INMT: variants seen among roughly 807,000 people sequenced by gnomAD.
The protein encoded by INMT is indolethylamine N-methyltransferase.
Under a neutral mutation model 11.5 loss-of-function variants are expected in INMT, and 11 were observed. That is an observed-to-expected ratio of 0.95 (90% CI 0.60 to 1.58). The LOEUF is 1.58. INMT is among the 40% of genes most tolerant of loss of function. The pLI is 0.00. For synonymous variants in INMT, 155 were observed against 142.9 expected, an observed-to-expected ratio of 1.08 and a Z score of -0.60; for missense variants, 316 against 336.1, an observed-to-expected ratio of 0.94 and a Z score of 0.47.
chr7:30,753,007 G>T (rs919235376), intron 1 of INMT, among the ~76,000 whole-genome samples: 3 of 152,206 alleles, frequency 2.0e-5, no homozygotes, highest in Non-Finnish European at 4.4e-5. Flanking sequence ...GGGTTAAAAG[G>T]CTGCTGAGCC....
intron 1 of INMT, among the ~76,000 whole-genome samples, chr7:30,752,849 C>T (rs1786119709): frequency 6.6e-6 from 1 of 152,196 alleles, no homozygotes; most frequent in Admixed American, 6.5e-5. Context: ...ATGGTGACTT[C>T]TGCCTGTCTC....
chr7:30,756,263 T>C lies in INMT; in HGVS notation c.*412T>C. The C allele has an allele frequency of 1.0e-6, 1 of 974,100 alleles. No individual in the cohort carries two copies. Among genetic ancestry groups the C allele is most frequent in the Non-Finnish European group, 1.2e-6 (1 of 819,080 alleles). The allele number at this position is 974,100 out of a possible 1,614,324, so 60.3% of individuals were successfully genotyped here. ...TTTTTTTTTTTTTTTTGAGACGGAG[T>C]CTGGCTCTGTCACCCAGGCTAGAGT... On this transcript the variant is annotated 3_prime_UTR_variant, in exon 3 of 3. Transcript: ENST00000013222.
At chr7:30,753,964 G>T in intron 2 of INMT, 26 bp downstream of exon 2, 3 of 1,606,178 alleles carry the variant, frequency 1.9e-6, no homozygotes, top group Non-Finnish European at 2.6e-6. Context: ...TTGGGGAGGG[G>T]GTTCCCAGTC....
rs978862438 is a variant in INMT at position 30,755,792 on chromosome 7, A to C, written c.733A>C (p.Thr245Pro). 4 of 1,613,978 alleles carry C rather than the reference A, an allele frequency of 2.5e-6. No individual in the cohort carries two copies. The highest frequency in any genetic ancestry group is 1.3e-5 in the African/African-American group (1 of 74,904). The part of the protein sequence containing the change: ...LLHSPQSYSV[T>P]NAANNGVCFI... ...ACACAGTCCCCAGAGCTACTCTGTC[A>C]CCAATGCTGCCAACAATGGGGTCTG... The change falls in exon 3 of 3, where the codon ACC (threonine) becomes CCC (proline). Residue 245 changes from threonine to proline, a missense_variant. Transcript: ENST00000013222.
At position 30,757,347 on chromosome 7, in the gene INMT, C is replaced by A. The variant is rs778584980; in HGVS notation, c.*1496C>A. ...TGGCTTGACATGGTGGGCACACTGG[C>A]GCCCAGTAAGAGAGAGAGAGAGCCA... On this transcript the variant is annotated 3_prime_UTR_variant, in exon 3 of 3. Coordinates refer to ENST00000013222, the MANE Select transcript of INMT (RefSeq NM_006774.5). The A allele has an allele frequency of 4.4e-6, 1 of 225,300 alleles. No homozygotes were observed. The highest frequency in any genetic ancestry group is 8.7e-6 in the Non-Finnish European group (1 of 114,562). The allele number at this position is 225,300 out of a possible 1,614,324, so 14.0% of individuals were successfully genotyped here.
In INMT at chr7:30,754,470, C is replaced by A. The variant is rs1329160335; in HGVS notation, c.362+532C>A. Among the ~76,000 whole-genome samples the A allele has an allele frequency of 6.6e-6, 1 of 151,736 alleles. No individual in the cohort carries two copies. Among genetic ancestry groups the A allele is most frequent in the East Asian group, 1.9e-4 (1 of 5,164 alleles). On this transcript the variant is annotated intron_variant, in intron 2 of 2. Transcript: ENST00000013222. This position sits in a 1 kb window ranked among gnomAD's most constrained non-coding sequence, Gnocchi z 4.9. ...ATATTCATCCATCCACCCACCCATCCATTCATCCATCCATATCCATCCATC... is the reference window on the plus strand; with the variant it reads ...ATATTCATCCATCCACCCACCCATCAATTCATCCATCCATATCCATCCATC...
chr7:30,752,788 G>A (rs1214465629), intron 1 of INMT, among the ~76,000 whole-genome samples: 1 of 152,186 alleles, frequency 6.6e-6, no homozygotes, highest in Non-Finnish European at 1.5e-5. Context: ...TCTCAACCCT[G>A]AGCAAGGGGC....
rs11766290 is a variant in INMT at position 30,754,483 on chromosome 7, A to G, written c.362+545A>G. Among the ~76,000 whole-genome samples, 146,793 of 151,360 alleles carry G rather than the reference A, an allele frequency of 0.97. 71,260 individuals carry two copies. The highest frequency in any genetic ancestry group is 1 in the East Asian group (5,127 of 5,132). ...CACCCACCCATCCATTCATCCATCCATATCCATCCATCCATCCATCCATCC... is the reference window on the plus strand; with the variant it reads ...CACCCACCCATCCATTCATCCATCCGTATCCATCCATCCATCCATCCATCC... On this transcript the variant is annotated intron_variant, in intron 2 of 2. Coordinates refer to ENST00000013222, the MANE Select transcript of INMT (RefSeq NM_006774.5). This position sits in a 1 kb window ranked among gnomAD's most constrained non-coding sequence, Gnocchi z 4.9.
In INMT at chr7:30,755,667, C is replaced by T. The variant is rs548852397; in HGVS notation, c.608C>T (p.Ser203Phe). ...LVTTVTLRLPSYMVGKREFSC... is the reference protein window; with the variant it reads ...LVTTVTLRLPFYMVGKREFSC... ...ACCACTGTCACGCTTCGGCTCCCGT[C>T]CTACATGGTGGGGAAGCGTGAATTT... The change falls in exon 3 of 3, where the codon TCC (serine) becomes TTC (phenylalanine). Residue 203 changes from serine (S) to phenylalanine (F), a missense_variant. Ser to Phe is a radical substitution (Grantham distance 155). Transcript: ENST00000013222. The T allele has an allele frequency of 2.5e-6, 4 of 1,614,210 alleles. No homozygotes were observed. The South Asian group carries it at 3.3e-5, about 13-fold the overall frequency.
intron 1 of INMT, 83 bp downstream of exon 1, chr7:30,752,387 C>A: frequency 8.3e-7 from 1 of 1,204,876 alleles, no homozygotes; most frequent in African/African-American, 1.5e-5. Flanking sequence ...TGGGGGCAGT[C>A]TGGTCTCCTC....
rs1736997147 is a variant in INMT at position 30,755,443 on chromosome 7, G to A, written c.384G>A (p.Glu128=). The change falls in exon 3 of 3, where the codon GAG becomes GAA. Residue 128 remains glutamate (E), a synonymous_variant. Transcript: ENST00000013222. ...EGNSGRWEEK[E]EKLRAAVKRV... Reference sequence around the variant, plus strand: ...GCAGCGGCCGATGGGAGGAGAAGGAGGAGAAGCTGCGGGCAGCGGTGAAGC... The same window carrying A: ...GCAGCGGCCGATGGGAGGAGAAGGAAGAGAAGCTGCGGGCAGCGGTGAAGC... The A allele has an allele frequency of 6.3e-7, 1 of 1,598,048 alleles. No individual in the cohort carries two copies. Among genetic ancestry groups the A allele is most frequent in the Non-Finnish European group, 8.5e-7 (1 of 1,179,120 alleles).
Position 30,754,480 on chromosome 7 carries a change from T to C in INMT, c.362+542T>C, listed in dbSNP as rs968176592. Among the ~76,000 whole-genome samples the C allele has an allele frequency of 4.6e-5, 7 of 151,160 alleles. No individual in the cohort carries two copies. Among genetic ancestry groups the C allele is most frequent in the Non-Finnish European group, 1.0e-4 (7 of 67,828 alleles). On this transcript the variant is annotated intron_variant, in intron 2 of 2. Coordinates refer to ENST00000013222, the MANE Select transcript of INMT (RefSeq NM_006774.5). The surrounding 1 kb of genome is among the most constrained non-coding windows in gnomAD (Gnocchi z 4.9). ...ATCCACCCACCCATCCATTCATCCA[T>C]CCATATCCATCCATCCATCCATCCA...
rs150713465 is a variant in INMT, at chr7:30,755,831, C to G, written c.772C>G (p.Arg258Gly). ...CAATGGGGTCTGCTTCATTGTGGCT[C>G]GCAAGAAGCCTGGGCCCTGAGCCAG... ...ANNGVCFIVARKKPGP is the reference protein window; with the variant it reads ...ANNGVCFIVAGKKPGP The change falls in exon 3 of 3, where the codon CGC (arginine) becomes GGC (glycine). Residue 258 changes from arginine to glycine, a missense_variant. Coordinates refer to ENST00000013222, the MANE Select transcript of INMT (RefSeq NM_006774.5). The G allele has an allele frequency of 1.9e-5, 31 of 1,609,304 alleles. No homozygotes were observed. In the East Asian group the frequency reaches 6.3e-4, roughly 32 times the overall value.
In INMT at chr7:30,756,819, T is replaced by G. The variant is rs1418157842; in HGVS notation, c.*968T>G. 6.6e-6 allele frequency: 1 copy of G among 152,294 alleles called. No individual in the cohort carries two copies. Among genetic ancestry groups the G allele is most frequent in the Non-Finnish European group, 1.5e-5 (1 of 68,094 alleles). 9.4% of individuals were successfully genotyped at this position (152,294 alleles called of 1,614,324 possible). On this transcript the variant is annotated 3_prime_UTR_variant, in exon 3 of 3. Transcript: ENST00000013222. The stretch of plus-strand genomic sequence containing the variant: ...GGTTGATTTCAAGCCACCAGTGGTT[T>G]AATAACCAGCTCATAAATCTCCTAA...
In INMT at chr7:30,754,311, TCATC is replaced by T. The variant is rs147764304; in HGVS notation, c.362+397_362+400del. Among the ~76,000 whole-genome samples the T allele has an allele frequency of 0.022, 3,363 of 151,470 alleles. 64 individuals are homozygous for T. The highest frequency in any genetic ancestry group is 0.13 in the Middle Eastern group (37 of 288). On this transcript the variant is annotated intron_variant, in intron 2 of 2. Transcript: ENST00000013222. The surrounding 1 kb of genome is among the most constrained non-coding windows in gnomAD (Gnocchi z 4.9). ...TCCGTCCACCCACCGGTTCATCCAT[TCATC>T]CATCCATCCATCCATCCATCCATAT...
rs530564300 is a variant in INMT at position 30,757,321 on chromosome 7, A to G, written c.*1470A>G. 5.0e-5 allele frequency: 10 copies of G among 200,234 alleles called. No homozygotes were observed. The highest frequency in any genetic ancestry group is 8.0e-5 in the Non-Finnish European group (8 of 100,012). 12.4% of individuals were successfully genotyped at this position (200,234 alleles called of 1,614,324 possible). A position where few individuals can be genotyped will look rare whatever the true frequency, so the allele number is the denominator to read the frequency against. On this transcript the variant is annotated 3_prime_UTR_variant, in exon 3 of 3. Transcript: ENST00000013222. ...CTCTTGGGGTTCGGCTCAGCTCAAC[A>G]TGGCTTGACATGGTGGGCACACTGG... is the stretch of plus-strand genomic sequence containing the variant.
rs373009361 is a variant in INMT, at chr7:30,755,415, T to A, written c.363-7T>A. The A allele has an allele frequency of 1.1e-4, 179 of 1,580,070 alleles. No individual in the cohort carries two copies. The African/African-American group carries it at 2.1e-3, about 18-fold the overall frequency. ...GGGCCTCCCCGACTCCCTCTCTCTC[T>A]CTGCAGCGGCCGATGGGAGGAGAAG... On this transcript the variant is annotated splice_region_variant and splice_polypyrimidine_tract_variant and intron_variant, in intron 2 of 2. Coordinates refer to ENST00000013222, the MANE Select transcript of INMT (RefSeq NM_006774.5).
Position 30,755,571 on chromosome 7 carries a change from G to C in INMT, c.512G>C (p.Cys171Ser). 2 of 1,613,848 alleles carry C rather than the reference G, an allele frequency of 1.2e-6. No individual in the cohort carries two copies. The highest frequency in any genetic ancestry group is 1.1e-5 in the South Asian group (1 of 91,086). ...LTLLAMECAC[C>S]SLDAYRAALC... ...CTGCTGGCCATGGAGTGTGCCTGCTGTAGCCTTGATGCCTACCGCGCTGCC... is the reference window on the plus strand; with the variant it reads ...CTGCTGGCCATGGAGTGTGCCTGCTCTAGCCTTGATGCCTACCGCGCTGCC... The change falls in exon 3 of 3, where the codon TGT (cysteine) becomes TCT (serine). Residue 171 changes from cysteine (C) to serine (S), a missense_variant. Transcript: ENST00000013222.
At position 30,756,402 on chromosome 7, in the gene INMT, A is replaced by ATTTTTTTTTTTTTTTTTTTTTTTTT. The variant is rs58472657; in HGVS notation, c.*570_*571insTTTTTTTTTTTTTTTTTTTTTTTTT. 1 of 95,636 alleles carries ATTTTTTTTTTTTTTTTTTTTTTTTT rather than the reference A, an allele frequency of 1.0e-5. No individual in the cohort carries two copies. Among genetic ancestry groups the ATTTTTTTTTTTTTTTTTTTTTTTTT allele is most frequent in the African/African-American group, 4.5e-5 (1 of 22,344 alleles). 5.9% of individuals were successfully genotyped at this position (95,636 alleles called of 1,614,324 possible). Reference sequence around the variant, plus strand: ...AGGAGCTCGCCACCACACCCAGCTAATTTTTTTTTTTTTTTTTTTATTTGA... The same window carrying ATTTTTTTTTTTTTTTTTTTTTTTTT: ...AGGAGCTCGCCACCACACCCAGCTAATTTTTTTTTTTTTTTTTTTTTTTTTTTTTTTTTTTTTTTTTTTTATTTGA... On this transcript the variant is annotated 3_prime_UTR_variant, in exon 3 of 3. Coordinates refer to ENST00000013222, the MANE Select transcript of INMT (RefSeq NM_006774.5).
Sources: gnomAD v4.1 joint callset for allele counts (sites outside exome capture counted in the v4.1 genomes callset) on GRCh38, gnomAD v4.1.1 for gene constraint, Gnocchi (gnomAD v3.1) non-coding constraint, MANE v1.5 for transcripts, NCBI Gene and HGNC (gene_info 2026-07-23, HGNC 2026-07-21) for gene names.